CLIC6: variants seen among roughly 807,000 people sequenced by gnomAD.
CLIC6 encodes CLIC family member 6, also known as chloride intracellular channel protein 6.
Under a neutral mutation model 49.2 loss-of-function variants are expected in CLIC6, and 39 were observed. The observed-to-expected ratio is 0.79, with a 90% CI of 0.61 to 1.04. The LOEUF is 1.04. Among genes scored for constraint, CLIC6 ranks in the 50% least tolerant of loss-of-function variants. The pLI is 0.00. For synonymous variants in CLIC6, 446 were observed against 433.4 expected, an observed-to-expected ratio of 1.03 and a Z score of -0.36; for missense variants, 988 against 993.1, an observed-to-expected ratio of 0.99 and a Z score of 0.07.
rs1037412388 is a variant in CLIC6, at chr21:34,717,391, G to T, written c.*909G>T. 3 of 152,250 alleles carry T rather than the reference G, an allele frequency of 2.0e-5. No individual in the cohort carries two copies. Among genetic ancestry groups the T allele is most frequent in the African/African-American group, 7.2e-5 (3 of 41,428 alleles). 9.4% of individuals were successfully genotyped at this position (152,250 alleles called of 1,614,324 possible). Reference sequence around the variant, plus strand: ...AGGCTGCAGTCCCTCAGTGCTGGTGGTATCGTGTGGGGATAGCAATACTTC... The same window carrying T: ...AGGCTGCAGTCCCTCAGTGCTGGTGTTATCGTGTGGGGATAGCAATACTTC... On this transcript the variant is annotated 3_prime_UTR_variant, in exon 6 of 6. Coordinates refer to ENST00000349499, the MANE Select transcript of CLIC6 (RefSeq NM_053277.3).
chr21:34,694,315 T>G (rs533005860), intron 1 of CLIC6, among the ~76,000 whole-genome samples: 1 of 151,974 alleles, frequency 6.6e-6, no homozygotes, highest in South Asian at 2.1e-4. Context: ...TTTTTTATTT[T>G]TGAGACAGGG....
chr21:34,691,490 G>A (rs1989993121), intron 1 of CLIC6, among the ~76,000 whole-genome samples: 1 of 151,832 alleles, frequency 6.6e-6, no homozygotes, highest in Admixed American at 6.6e-5. Flanking sequence ...TAAGTGTAAA[G>A]CTTGTGAAAC....
intron 5 of CLIC6, among the ~76,000 whole-genome samples, chr21:34,714,382 C>A (rs1265485184): frequency 6.6e-6 from 1 of 152,164 alleles, no homozygotes; most frequent in East Asian, 1.9e-4. Flanking sequence ...AGTTAACAGG[C>A]AGCATCTAAA....
At chr21:34,714,402 T>G (rs139854703) in intron 5 of CLIC6, among the ~76,000 whole-genome samples, 1 of 152,074 alleles carries the variant, frequency 6.6e-6, no homozygotes. Flanking sequence ...AATTAGTAAA[T>G]CAAGGCCGGG....
At chr21:34,677,245 T>C (rs1180888839) in intron 1 of CLIC6, among the ~76,000 whole-genome samples, 1 of 152,240 alleles carries the variant, frequency 6.6e-6, no homozygotes, top group Non-Finnish European at 1.5e-5. Context: ...CTTATTGTTT[T>C]TTCCTGCTCT....
intron 1 of CLIC6, among the ~76,000 whole-genome samples, chr21:34,688,897 TC>T (rs1358185473): frequency 2.0e-5 from 3 of 152,194 alleles, no homozygotes; most frequent in Non-Finnish European, 4.4e-5. Flanking sequence ...ATTCTATGAC[TC>T]CTTCGAAGGT....
chr21:34,681,152 A>C (rs1307969489), intron 1 of CLIC6, among the ~76,000 whole-genome samples: 1 of 152,236 alleles, frequency 6.6e-6, no homozygotes, highest in African/African-American at 2.4e-5. Context: ...AGGCCTCAGG[A>C]AACTTGCAAT....
Position 34,674,851 on chromosome 21 carries a change from G to C in CLIC6, c.1374+4089G>C, listed in dbSNP as rs142744265. Among the ~76,000 whole-genome samples the C allele has an allele frequency of 2.4e-3, 369 of 152,290 alleles. 2 individuals carry two copies. Among genetic ancestry groups the C allele is most frequent in the African/African-American group, 8.4e-3 (350 of 41,560 alleles). On this transcript the variant is annotated intron_variant, in intron 1 of 5. Coordinates refer to ENST00000349499, the MANE Select transcript of CLIC6 (RefSeq NM_053277.3). ...AACAACAGGCAAAACACTAGCAGCA[G>C]AGAGTTAAGTAAGAACTTCATTTAA...
At chr21:34,693,062 A>G (rs1990025261) in intron 1 of CLIC6, among the ~76,000 whole-genome samples, 1 of 152,232 alleles carries the variant, frequency 6.6e-6, no homozygotes, top group Non-Finnish European at 1.5e-5. Context: ...AAGGCAAAGT[A>G]TGCACCATCT....
chr21:34,709,296 T>C (rs2056038902), intron 4 of CLIC6, 61 bp from the exon 5 acceptor site: 1 of 1,459,068 alleles, frequency 6.9e-7, no homozygotes, highest in Non-Finnish European at 9.5e-7. Flanking sequence ...CCATCACAGC[T>C]GGTGAAAAGT....
chr21:34,676,660 G>A (rs113565219), intron 1 of CLIC6, among the ~76,000 whole-genome samples: 4,094 of 152,314 alleles, frequency 0.027, 196 homozygotes, highest in African/African-American at 0.093. Context: ...TGCAGCAGCA[G>A]CAGGAGGACC....
intron 1 of CLIC6, among the ~76,000 whole-genome samples, chr21:34,693,279 G>A (rs1319310085): frequency 6.6e-6 from 1 of 152,112 alleles, no homozygotes; most frequent in African/African-American, 2.4e-5. Flanking sequence ...TGTGTAGCAG[G>A]GAATCACTGA....
chr21:34,710,598 A>G (rs1452434678), intron 5 of CLIC6, among the ~76,000 whole-genome samples: 2 of 152,078 alleles, frequency 1.3e-5, no homozygotes, highest in Non-Finnish European at 2.9e-5. Context: ...CAGGTCACGA[A>G]GTCAGGAGAT....
intron 1 of CLIC6, chr21:34,705,895 A>G: frequency 2.1e-6 from 1 of 472,388 alleles, no homozygotes; most frequent in Non-Finnish European, 3.8e-6. Flanking sequence ...GTTTCTGACC[A>G]CTGGCATTGT....
At chr21:34,686,680 AG>A (rs1308156178) in intron 1 of CLIC6, among the ~76,000 whole-genome samples, 1 of 152,134 alleles carries the variant, frequency 6.6e-6, no homozygotes, top group Admixed American at 6.5e-5. Flanking sequence ...ACCATGCTGG[AG>A]GGGCTACCTG....
At chr21:34,709,604 C>T (rs562026572) in intron 5 of CLIC6, 66 bp downstream of exon 5, 8 of 1,438,042 alleles carry the variant, frequency 5.6e-6, no homozygotes, top group African/African-American at 1.4e-5. Flanking sequence ...TTTGTTTTTA[C>T]TTGTGTTTGG....
chr21:34,708,792 A>C lies in CLIC6; in HGVS notation c.1703A>C (p.Lys568Thr). Residue 568 changes from lysine to threonine, a missense_variant, in exon 4 of 6, where the codon AAG (lysine) becomes ACG (threonine). By Grantham distance (78) the Lys-to-Thr change is moderately conservative. Transcript: ENST00000349499. Reference sequence around the variant, plus strand: ...TCAGCGTTTATAAAAAACACGAAGAAGGATGCAAATGAGAGTGAGTACCTC... The same window carrying C: ...TCAGCGTTTATAAAAAACACGAAGACGGATGCAAATGAGAGTGAGTACCTC... ...KFSAFIKNTK[K>T]DANEIHEKNL... The C allele has an allele frequency of 6.2e-7, 1 of 1,613,096 alleles. No homozygotes were observed.
intron 1 of CLIC6, among the ~76,000 whole-genome samples, chr21:34,697,668 G>T: frequency 6.6e-6 from 1 of 152,344 alleles, no homozygotes; most frequent in Admixed American, 6.5e-5. Flanking sequence ...GACTTAGGGG[G>T]AGATGGTGGG....
chr21:34,671,891 A>C (rs1025987425), intron 1 of CLIC6, among the ~76,000 whole-genome samples: 22 of 152,026 alleles, frequency 1.4e-4, no homozygotes, highest in Admixed American at 5.2e-4. Context: ...CCCTAGTGAG[A>C]AGGTGCTGTT....
Sources: allele counts gnomAD v4.1 joint callset (sites outside exome capture counted in the v4.1 genomes callset), GRCh38; gene constraint gnomAD v4.1.1; transcripts MANE v1.5; gene names NCBI Gene and HGNC (gene_info 2026-07-23, HGNC 2026-07-21).